Variants in PARP15 observed in about 807,000 individuals in gnomAD.
The protein encoded by PARP15 is poly(ADP-ribose) polymerase family member 15.
A neutral mutation model predicts 62.1 loss-of-function variants in PARP15; 50 were observed. The ratio of observed to expected loss-of-function variants is 0.81; its 90% confidence interval spans 0.64 to 1.02. PARP15 has a LOEUF of 1.02. Among genes scored for constraint, PARP15 ranks in the 50% least tolerant of loss-of-function variants. PARP15 has a pLI of 0.00. For synonymous variants in PARP15, 309 were observed against 293.1 expected (o/e 1.05, Z -0.55); for missense variants, 820 against 826.5 (o/e 0.99, Z 0.10).
chr3:122,617,225 G>T (rs766596219), intron 6 of PARP15, 61 bp downstream of exon 6: 11 of 1,517,156 alleles, frequency 7.3e-6, no homozygotes, highest in Middle Eastern at 3.5e-4. Context: ...AAGGGAAATT[G>T]TGGCTAATAT....
intron 1 of PARP15, among the ~76,000 whole-genome samples, chr3:122,583,667 G>A (rs1933159866): frequency 6.6e-6 from 1 of 152,148 alleles, no homozygotes. Context: ...GCTTTGTTAG[G>A]CAGGAGCAGA....
At chr3:122,617,353 C>G (rs902258464) in intron 6 of PARP15, among the ~76,000 whole-genome samples, 189 bp downstream of exon 6, 1 of 152,124 alleles carries the variant, frequency 6.6e-6, no homozygotes, top group Non-Finnish European at 1.5e-5. Flanking sequence ...AGTCACTTAA[C>G]CTCTCTGAGT....
At chr3:122,588,479 G>T (rs891522145) in intron 1 of PARP15, among the ~76,000 whole-genome samples, 17 of 151,624 alleles carry the variant, frequency 1.1e-4, no homozygotes, top group African/African-American at 4.1e-4. Context: ...TATGTTTACT[G>T]AGTCCACTGC....
intron 1 of PARP15, among the ~76,000 whole-genome samples, chr3:122,598,408 G>T (rs565495569): frequency 6.6e-6 from 1 of 152,142 alleles, no homozygotes; most frequent in African/African-American, 2.4e-5. Context: ...TGCAGTCATC[G>T]TAGGCTTGAC....
intron 10 of PARP15, among the ~76,000 whole-genome samples, chr3:122,632,990 C>T (rs754791936): frequency 2.6e-5 from 4 of 152,178 alleles, no homozygotes; most frequent in African/African-American, 7.2e-5. Flanking sequence ...GGGTTTATCA[C>T]GAGGTCATTA....
chr3:122,598,375 G>T (rs1336816924), intron 1 of PARP15, among the ~76,000 whole-genome samples: 2 of 152,172 alleles, frequency 1.3e-5, no homozygotes, highest in Non-Finnish European at 2.9e-5. Flanking sequence ...TCATGACGTG[G>T]TTATTCAGTT....
chr3:122,628,077 G>A (rs1389757875), intron 9 of PARP15, among the ~76,000 whole-genome samples: 1 of 152,134 alleles, frequency 6.6e-6, no homozygotes, highest in Admixed American at 6.6e-5. Context: ...CAGCTATGTT[G>A]TCTTTTTCCT....
chr3:122,610,500 G>A lies in PARP15; in HGVS notation c.313G>A (p.Val105Ile). The A allele has an allele frequency of 6.4e-7, 1 of 1,550,842 alleles. No individual in the cohort carries two copies. Among genetic ancestry groups the A allele is most frequent in the South Asian group, 1.2e-5 (1 of 83,846 alleles). The change falls in exon 3 of 12, where the codon GTC becomes ATC. Residue 105 changes from valine to isoleucine, a missense_variant. This residue lies in a region of PARP15 where 731 missense variants were observed against 727.7 expected (regional missense o/e 1.00). Transcript: ENST00000464300. ...TGTTGCTATTTTCGTTAAGGCCGAT[G>A]TCATTGTCAACAGCGTTCCCATGAA... ...SGDVLYIWAD[V>I]IVNSVPMNLQ...
In PARP15 at chr3:122,619,905, G is replaced by A. The variant is rs372609924; in HGVS notation, c.1063+62G>A. On this transcript the variant is annotated intron_variant, in intron 7 of 11. Transcript: ENST00000464300. ...AATCAGAGGGCTGAGATTACAGTGA[G>A]AGGATGTACAGGAGGACTGGAGGTG... The A allele has an allele frequency of 2.0e-5, 29 of 1,446,798 alleles. No homozygotes were observed. The African/African-American group carries it at 3.8e-4, about 19-fold the overall frequency. 89.6% of individuals were successfully genotyped at this position (1,446,798 alleles called of 1,614,324 possible).
At position 122,635,151 on chromosome 3, in the gene PARP15, T is replaced by C; in HGVS notation, c.1704T>C (p.Tyr568=). 6.2e-7 allele frequency: 1 copy of C among 1,614,010 alleles called. No homozygotes were observed. Among genetic ancestry groups the C allele is most frequent in the Non-Finnish European group, 8.5e-7 (1 of 1,179,962 alleles). The part of the protein sequence containing the change: ...FHGTDADSVP[Y]VNQHGFNRSC... Reference sequence around the variant, plus strand: ...GGACAGATGCAGACTCAGTGCCATATGTCAATCAGCACGGCTTTAATAGAA... The same window carrying C: ...GGACAGATGCAGACTCAGTGCCATACGTCAATCAGCACGGCTTTAATAGAA... The change falls in exon 11 of 12, where the codon TAT becomes TAC. Residue 568 remains tyrosine (Y), a synonymous_variant. Transcript: ENST00000464300.
chr3:122,596,354 C>CA lies in PARP15; in HGVS notation c.187-9556dup, dbSNP rs35559014. On this transcript the variant is annotated intron_variant, in intron 1 of 11. Coordinates refer to ENST00000464300, the MANE Select transcript of PARP15 (RefSeq NM_001113523.3). ...CTGGCAACAGAGCGAGACTCCATCTCAAAAAAAAAAAAAAAAAAAAAAAAA... is the reference window on the plus strand; with the variant it reads ...CTGGCAACAGAGCGAGACTCCATCTCAAAAAAAAAAAAAAAAAAAAAAAAAA... Among the ~76,000 whole-genome samples the CA allele has an allele frequency of 5.8e-3, 270 of 46,902 alleles. 23 individuals carry two copies. The highest frequency in any genetic ancestry group is 0.022 in the African/African-American group (247 of 11,252). 30.8% of individuals were successfully genotyped at this position (46,902 alleles called of 152,430 possible). A position where few individuals can be genotyped will look rare whatever the true frequency, so the allele number is the denominator to read the frequency against.
At chr3:122,590,720 T>C (rs912777870) in intron 1 of PARP15, among the ~76,000 whole-genome samples, 2 of 152,214 alleles carry the variant, frequency 1.3e-5, no homozygotes, top group African/African-American at 2.4e-5. Flanking sequence ...TAAGGGAAAG[T>C]TCCTTTATTT....
At chr3:122,608,581 C>T (rs1935337747) in intron 2 of PARP15, among the ~76,000 whole-genome samples, 1 of 152,088 alleles carries the variant, frequency 6.6e-6, no homozygotes, top group South Asian at 2.1e-4. Flanking sequence ...TTCTACCTGA[C>T]CCAATTATAG....
In PARP15 at chr3:122,610,720, C is replaced by T. The variant is rs1350125482; in HGVS notation, c.533C>T (p.Thr178Ile). ...VAPYWNNGAE[T>I]SWQIMANIIK... is the part of the protein sequence containing the mutation. ...CCATACTGGAATAATGGAGCAGAGA[C>T]TTCTTGGCAGGTAGGGAACGCTCTT... is the stretch of plus-strand genomic sequence containing the variant. Residue 178 changes from threonine to isoleucine, a missense_variant, in exon 3 of 12, where the codon ACT becomes ATT. Transcript: ENST00000464300. 1.3e-6 allele frequency: 2 copies of T among 1,514,550 alleles called. No homozygotes were observed. Among genetic ancestry groups the T allele is most frequent in the Non-Finnish European group, 1.8e-6 (2 of 1,130,734 alleles). 93.8% of individuals were successfully genotyped at this position (1,514,550 alleles called of 1,614,324 possible).
chr3:122,596,380 A>G (rs1043449572), intron 1 of PARP15, among the ~76,000 whole-genome samples: 24 of 132,072 alleles, frequency 1.8e-4, no homozygotes, highest in African/African-American at 6.5e-4. Context: ...AAAAAAAAAA[A>G]GCATAAACGT....
intron 1 of PARP15, among the ~76,000 whole-genome samples, chr3:122,598,043 A>G (rs1408204857): frequency 6.6e-6 from 1 of 152,164 alleles, no homozygotes; most frequent in African/African-American, 2.4e-5. Flanking sequence ...GGTTGAACCC[A>G]TGGATATATA....
chr3:122,596,216 C>T (rs1163863786), intron 1 of PARP15, among the ~76,000 whole-genome samples: 2 of 151,748 alleles, frequency 1.3e-5, no homozygotes, highest in Admixed American at 6.6e-5. Context: ...ATTAGCTGGC[C>T]GTAGTGGCAT....
intron 1 of PARP15, among the ~76,000 whole-genome samples, chr3:122,578,727 A>T (rs2080737297): frequency 6.6e-6 from 1 of 151,614 alleles, no homozygotes; most frequent in Non-Finnish European, 1.5e-5. Flanking sequence ...CTGATGTATG[A>T]TCAGTTTAAA....
At chr3:122,634,969 T>C (rs760803459) in intron 10 of PARP15, 51 bp from the exon 11 acceptor site, 25 of 1,555,840 alleles carry the variant, frequency 1.6e-5, no homozygotes, top group African/African-American at 4.1e-5. Flanking sequence ...AAGTACAATA[T>C]ACTGAGCCCC....
Sources: gnomAD v4.1 joint callset for allele counts (sites outside exome capture counted in the v4.1 genomes callset) on GRCh38, gnomAD v4.1.1 for gene constraint, gnomAD v4.1.1 regional missense constraint, MANE v1.5 for transcripts, NCBI Gene and HGNC (gene_info 2026-07-23, HGNC 2026-07-21) for gene names.